Variants in ADGRE1 observed in about 807,000 individuals in gnomAD.
ADGRE1 encodes adhesion G protein-coupled receptor E1, also known as EGF-like module receptor 1.
In ADGRE1, 82 loss-of-function variants were observed where a neutral mutation model predicts 102.7. That is an observed-to-expected ratio of 0.80 (90% confidence interval 0.67 to 0.96). The LOEUF is 0.96. Among genes scored for constraint, ADGRE1 ranks in the 40% least tolerant of loss-of-function variants. The probability of loss-of-function intolerance (pLI) is 0.00; values close to 1 mark genes in which losing one functional copy is unlikely to be tolerated. For missense variants in ADGRE1, 1,032 were observed against 1,085.3 expected (o/e 0.95, Z 0.69); for synonymous variants, 398 against 399.6 (o/e 1.00, Z 0.05).
chr19:6,906,514 C>A lies in ADGRE1; in HGVS notation c.1031C>A (p.Pro344His), dbSNP rs772898098. 6.2e-7 allele frequency: 1 copy of A among 1,613,108 alleles called. No homozygotes were observed. Residue 344 changes from proline (P) to histidine (H), a missense_variant, in exon 9 of 21, where the codon CCT becomes CAT. Coordinates refer to ENST00000312053, the MANE Select transcript of ADGRE1 (RefSeq NM_001974.5). Reference protein sequence around the residue: ...QQCQEGTAVKPAYVSFCAQIN... With the variant: ...QQCQEGTAVKHAYVSFCAQIN... ...TGCCAAGAGGGAACCGCAGTGAAACCTGCATATGCAAGTATTTTTTAAGGT... is the reference window on the plus strand; with the variant it reads ...TGCCAAGAGGGAACCGCAGTGAAACATGCATATGCAAGTATTTTTTAAGGT...
intron 17 of ADGRE1, among the ~76,000 whole-genome samples, chr19:6,933,011 A>T (rs1975227870): frequency 6.6e-6 from 1 of 152,182 alleles, no homozygotes; most frequent in South Asian, 2.1e-4. Context: ...ACTTCGGGTC[A>T]GGAGTCTGAG....
Position 6,897,408 on chromosome 19 carries a change from C to T in ADGRE1, c.395-20C>T, listed in dbSNP as rs776329458. On this transcript the variant is annotated intron_variant, in intron 4 of 20. Transcript: ENST00000312053. ...GGCACCCAATTTCTTATCTGCTCAC[C>T]CTCTTCCACTGCTTCTCAGATATCA... is the stretch of plus-strand genomic sequence containing the variant. 8.8e-6 allele frequency: 14 copies of T among 1,594,548 alleles called. No individual in the cohort carries two copies. The highest frequency in any genetic ancestry group is 1.2e-5 in the Non-Finnish European group (14 of 1,168,822).
intron 10 of ADGRE1, among the ~76,000 whole-genome samples, chr19:6,911,929 A>C (rs371334287): frequency 3.9e-5 from 6 of 151,912 alleles, no homozygotes; most frequent in African/African-American, 1.5e-4. Flanking sequence ...ACACATGTAT[A>C]CACACATCTA....
intron 17 of ADGRE1, among the ~76,000 whole-genome samples, chr19:6,932,132 A>G (rs1241711880): frequency 6.6e-6 from 1 of 152,132 alleles, no homozygotes; most frequent in Non-Finnish European, 1.5e-5. Flanking sequence ...GAGTCCACCA[A>G]ATAAAATAAA....
At position 6,924,823 on chromosome 19, in the gene ADGRE1, T is replaced by C. The variant is rs773571839; in HGVS notation, c.1937T>C (p.Leu646Pro). 1.2e-6 allele frequency: 2 copies of C among 1,614,120 alleles called. No individual in the cohort carries two copies. The highest frequency in any genetic ancestry group is 3.3e-5 in the Admixed American group (2 of 60,010). Residue 646 changes from leucine (L) to proline (P), a missense_variant, in exon 15 of 21, where the codon CTC (leucine) becomes CCC (proline). Leu to Pro is a moderately conservative substitution (Grantham distance 98). Transcript: ENST00000312053. ...CACCTGCACCTCTGCGTGTGTCTCC[T>C]CTTGGCGAAGACTCTCTTCCTCGCC... The part of the protein sequence containing the change: ...YLHLHLCVCL[L>P]LAKTLFLAGI...
In ADGRE1 at chr19:6,940,078, T is replaced by C. The variant is rs780653779; in HGVS notation, c.*49T>C. On this transcript the variant is annotated 3_prime_UTR_variant, in exon 21 of 21. Coordinates refer to ENST00000312053, the MANE Select transcript of ADGRE1 (RefSeq NM_001974.5). The stretch of plus-strand genomic sequence containing the variant: ...GCTATGGAGCCACAGTTGAGGACAG[T>C]AGTTTCCTGCAGGAGCCTACCCTGA... The C allele has an allele frequency of 6.8e-6, 11 of 1,606,224 alleles. No individual in the cohort carries two copies. In the Middle Eastern group the frequency reaches 6.6e-4, roughly 96 times the overall value.
chr19:6,892,006 C>G (rs1223980873), intron 2 of ADGRE1, among the ~76,000 whole-genome samples: 1 of 152,038 alleles, frequency 6.6e-6, no homozygotes, highest in Non-Finnish European at 1.5e-5. Context: ...GGACAGGTAC[C>G]TAGTCCCACA....
At chr19:6,928,490 G>A (rs1412200085) in intron 17 of ADGRE1, 3 of 577,038 alleles carry the variant, frequency 5.2e-6, no homozygotes, top group Non-Finnish European at 5.7e-6. Flanking sequence ...AGCTGGGTGT[G>A]GTGGCGAGCA....
chr19:6,916,603 G>T (rs999004911), intron 12 of ADGRE1, among the ~76,000 whole-genome samples: 3 of 152,074 alleles, frequency 2.0e-5, no homozygotes, highest in African/African-American at 4.8e-5. Context: ...GTCACATTCT[G>T]CTGTTGAGCA....
At chr19:6,912,169 C>T (rs1436681280) in intron 10 of ADGRE1, among the ~76,000 whole-genome samples, 1 of 152,028 alleles carries the variant, frequency 6.6e-6, no homozygotes, top group Non-Finnish European at 1.5e-5. Context: ...CAGAGATATA[C>T]ACACATGCAC....
rs758052868 is a variant in ADGRE1 at position 6,897,438 on chromosome 19, G to A, written c.405G>A (p.Glu135=). ...PGNFSCTDIN[E]CLTSSVCPEH... ...TCCACTGCTTCTCAGATATCAATGA[G>A]TGCCTCACCAGCAGCGTCTGCCCTG... Residue 135 remains glutamate (E), a synonymous_variant, in exon 5 of 21, where the codon GAG becomes GAA. Coordinates refer to ENST00000312053, the MANE Select transcript of ADGRE1 (RefSeq NM_001974.5). The A allele has an allele frequency of 1.3e-6, 2 of 1,594,764 alleles. No homozygotes were observed. The highest frequency in any genetic ancestry group is 1.8e-5 in the Admixed American group (1 of 56,984).
intron 17 of ADGRE1, among the ~76,000 whole-genome samples, chr19:6,928,841 G>A (rs12980338): frequency 0.53 from 80,707 of 151,576 alleles, 23,475 homozygotes; most frequent in African/African-American, 0.77. Flanking sequence ...GGCTGAGGCA[G>A]GAGAGGAGAA....
Position 6,904,178 on chromosome 19 carries a change from C to T in ADGRE1, c.945C>T (p.Cys315=), listed in dbSNP as rs1458258424. 1 of 1,613,814 alleles carries T rather than the reference C, an allele frequency of 6.2e-7. No homozygotes were observed. Among genetic ancestry groups the T allele is most frequent in the Non-Finnish European group, 8.5e-7 (1 of 1,179,986 alleles). Reference sequence around the variant, plus strand: ...CCCAGAAAGATGGCAACTTCAGCTGCCAAAGTAATAATCTCTTTGTATGTC... The same window carrying T: ...CCCAGAAAGATGGCAACTTCAGCTGTCAAAGTAATAATCTCTTTGTATGTC... ...EGSQKDGNFS[C]QRVLFKCKED... The change falls in exon 8 of 21, where the codon TGC becomes TGT. Residue 315 remains cysteine (C), a synonymous_variant. Transcript: ENST00000312053.
At chr19:6,896,628 AC>A in intron 3 of ADGRE1, 87 bp downstream of exon 3, 4 of 1,444,002 alleles carry the variant, frequency 2.8e-6, no homozygotes, top group Non-Finnish European at 2.8e-6. Flanking sequence ...GTACTCCCCC[AC>A]CCCCCATTTT....
intron 5 of ADGRE1, chr19:6,897,947 TTCCTTCCTTC>T (rs1973628536): frequency 1.6e-5 from 3 of 182,408 alleles, no homozygotes; most frequent in African/African-American, 7.1e-5. Context: ...CCTTCCTTCC[TTCCTTCCTTC>T]CTTCCTACTT....
At chr19:6,938,064 C>T (rs1002840115) in intron 20 of ADGRE1, among the ~76,000 whole-genome samples, 9 of 151,682 alleles carry the variant, frequency 5.9e-5, no homozygotes, top group African/African-American at 1.5e-4. Flanking sequence ...CGGCTGGGCG[C>T]GGTGGCTCAC....
chr19:6,891,025 A>G (rs1231722576), intron 2 of ADGRE1: 1 of 153,730 alleles, frequency 6.5e-6, no homozygotes, highest in African/African-American at 2.4e-5. Flanking sequence ...GTAGTTGTTG[A>G]TATGGTTTGG....
rs750497533 is a variant in ADGRE1, at chr19:6,924,707, T to C, written c.1821T>C (p.His607=). The change falls in exon 15 of 21, where the codon CAT becomes CAC. Residue 607 remains histidine, a synonymous_variant. Coordinates refer to ENST00000312053, the MANE Select transcript of ADGRE1 (RefSeq NM_001974.5). Reference sequence around the variant, plus strand: ...ACTTTTCCTTGTACATCATTAGCCATGTAGGCATTATCATCTCCTTGGTGT... The same window carrying C: ...ACTTTTCCTTGTACATCATTAGCCACGTAGGCATTATCATCTCCTTGGTGT... ...TMDFSLYIIS[H]VGIIISLVCL... The C allele has an allele frequency of 1.1e-5, 18 of 1,614,062 alleles. No homozygotes were observed. The highest frequency in any genetic ancestry group is 6.7e-5 in the East Asian group (3 of 44,876).
chr19:6,906,085 T>G (rs1043541231), intron 8 of ADGRE1, among the ~76,000 whole-genome samples: 4 of 152,256 alleles, frequency 2.6e-5, no homozygotes, highest in Non-Finnish European at 2.9e-5. Flanking sequence ...TTCTCTAATT[T>G]GCTCTGTTTC....
Sources: allele counts gnomAD v4.1 joint callset (sites outside exome capture counted in the v4.1 genomes callset), GRCh38; gene constraint gnomAD v4.1.1; transcripts MANE v1.5; gene names NCBI Gene and HGNC (gene_info 2026-07-23, HGNC 2026-07-21).